The following BGN variants were observed in gnomAD, a reference collection of about 807,000 sequenced individuals.
The protein encoded by BGN is bone/cartilage proteoglycan-I.
In BGN, 6 loss-of-function variants were observed where a neutral mutation model predicts 20.0. The ratio of observed to expected loss-of-function variants is 0.30; its 90% CI spans 0.16 to 0.59. The LOEUF is 0.59. Among genes scored for constraint, BGN ranks in the 20% least tolerant of loss-of-function variants. The pLI, the probability that BGN is intolerant of heterozygous loss-of-function variation, is 0.88. For synonymous variants in BGN, 146 were observed against 134.6 expected (o/e 1.08, Z -0.59); for missense variants, 292 against 312.1 (o/e 0.94, Z 0.49).
intron 1 of BGN, among the ~76,000 whole-genome samples, chrX:153,499,262 G>A (rs1005141101): frequency 2.7e-5 from 3 of 112,294 alleles, no homozygotes; most frequent in African/African-American, 6.5e-5. Flanking sequence ...AGGAGGCCCC[G>A]GATCTCTTCG....
In BGN at chrX:153,509,123, C is replaced by T. The variant is rs782660038; in HGVS notation, c.*678C>T. The T allele has an allele frequency of 9.9e-6, 1 of 101,403 alleles. No individual in the cohort carries two copies. Among genetic ancestry groups the T allele is most frequent in the African/African-American group, 3.7e-5 (1 of 26,773 alleles). The allele number at this position is 101,403 out of a possible 1,213,427, so 8.4% of individuals were successfully genotyped here. On this transcript the variant is annotated 3_prime_UTR_variant, in exon 8 of 8. Transcript: ENST00000331595. ...TGTGTGTGTCTTGTGCTTCCTCAGACCTTTCTCGCTTCTGAGCTTGGTGGC... is the reference window on the plus strand; with the variant it reads ...TGTGTGTGTCTTGTGCTTCCTCAGATCTTTCTCGCTTCTGAGCTTGGTGGC...
Position 153,505,289 on chromosome X carries a change from T to C in BGN, c.290T>C (p.Leu97Pro), listed in dbSNP as rs781800006. Reference sequence around the variant, plus strand: ...TCCCCTGACACCACGCTGCTGGACCTGCAGAACAACGACATCTCCGAGCTC... The same window carrying C: ...TCCCCTGACACCACGCTGCTGGACCCGCAGAACAACGACATCTCCGAGCTC... ...EISPDTTLLD[L>P]QNNDISELRK... Residue 97 changes from leucine (L) to proline (P), a missense_variant, in exon 3 of 8, where the codon CTG becomes CCG. Physicochemically the swap from Leu to Pro is moderately conservative, Grantham distance 98. Transcript: ENST00000331595. 1 of 1,210,878 alleles carries C rather than the reference T, an allele frequency of 8.3e-7. No homozygotes were observed. The highest frequency in any genetic ancestry group is 1.8e-5 in the South Asian group (1 of 56,965).
intron 2 of BGN, 78 bp from the exon 3 acceptor site, chrX:153,505,160 G>C: frequency 3.5e-6 from 3 of 852,374 alleles, no homozygotes; most frequent in Non-Finnish European, 5.1e-6. Context: ...GGGCCCCTAG[G>C]TCTCGAGTTC....
At chrX:153,496,948 G>GCCCCCC (rs782676136) in intron 1 of BGN, among the ~76,000 whole-genome samples, 1 of 57,194 alleles carries the variant, frequency 1.7e-5, no homozygotes, top group Non-Finnish European at 3.0e-5. Context: ...TGCTTCCCGG[G>GCCCCCC]CCCACCCCCC....
chrX:153,509,394 C>G lies in BGN; in HGVS notation c.*949C>G, dbSNP rs1189450483. On this transcript the variant is annotated 3_prime_UTR_variant, in exon 8 of 8. Transcript: ENST00000331595. ...CCCGCGCAGATGACACCATCAACCG[C>G]CAGAGTCCCAGACACCGGTTTTCCT... The G allele has an allele frequency of 1.2e-5, 1 of 82,012 alleles. No homozygotes were observed. Among genetic ancestry groups the G allele is most frequent in the African/African-American group, 4.6e-5 (1 of 21,649 alleles). 6.8% of individuals were successfully genotyped at this position (82,012 alleles called of 1,213,427 possible).
At chrX:153,502,594 C>T (rs1479648582) in intron 1 of BGN, among the ~76,000 whole-genome samples, 5 of 113,004 alleles carry the variant, frequency 4.4e-5, no homozygotes, top group Non-Finnish European at 7.5e-5. Context: ...CTTCTCCCTA[C>T]TTGGGGGCCA....
At position 153,505,231 on chromosome X, in the gene BGN, C is replaced by A; in HGVS notation, c.239-7C>A. The A allele has an allele frequency of 5.0e-6, 6 of 1,188,537 alleles. No homozygotes were observed. The highest frequency in any genetic ancestry group is 6.8e-6 in the Non-Finnish European group (6 of 878,674). On this transcript the variant is annotated splice_region_variant and splice_polypyrimidine_tract_variant and intron_variant, in intron 2 of 7. Transcript: ENST00000331595. ...GTTCATGCTGGTGATGGGGGTGGGG[C>A]CCCTAGGTCTGAAGTCTGTGCCCAA...
At chrX:153,507,247 C>G in intron 7 of BGN, 62 bp downstream of exon 7, 1 of 1,125,560 alleles carries the variant, frequency 8.9e-7, no homozygotes, top group Non-Finnish European at 1.2e-6. Context: ...CGTGTGTGTC[C>G]CCGGGCAGTC....
intron 1 of BGN, among the ~76,000 whole-genome samples, chrX:153,500,648 CATGT>C: frequency 8.9e-6 from 1 of 112,417 alleles, no homozygotes; most frequent in South Asian, 3.6e-4. Context: ...TAGATGTGTG[CATGT>C]ATGTGTGTAC....
intron 4 of BGN, 54 bp downstream of exon 4, chrX:153,506,130 A>G (rs781910422): frequency 2.6e-4 from 280 of 1,061,262 alleles, no homozygotes; most frequent in Non-Finnish European, 3.5e-4. Context: ...GGCATGGGGA[A>G]GGGAGACCAA....
At chrX:153,506,356 G>A (rs1192250859) in intron 4 of BGN, among the ~76,000 whole-genome samples, 173 bp from the exon 5 acceptor site, 1 of 112,027 alleles carries the variant, frequency 8.9e-6, no homozygotes, top group African/African-American at 3.3e-5. Context: ...CCTGGGGCTA[G>A]CAGTCCTGAA....
intron 1 of BGN, among the ~76,000 whole-genome samples, chrX:153,496,952 A>ACCCCCCCCCCCCCC (rs2089720435): frequency 5.7e-5 from 1 of 17,489 alleles, no homozygotes. Context: ...TCCCGGGCCC[A>ACCCCCCCCCCCCCC]CCCCCCACCC....
At chrX:153,497,100 C>T (rs1371398458) in intron 1 of BGN, among the ~76,000 whole-genome samples, 7 of 104,407 alleles carry the variant, frequency 6.7e-5, no homozygotes, top group African/African-American at 2.5e-4. Flanking sequence ...CCTCCCCTGC[C>T]TTGCTCACCC....
chrX:153,497,233 C>T (rs1356358035), intron 1 of BGN, among the ~76,000 whole-genome samples: 1 of 107,311 alleles, frequency 9.3e-6, no homozygotes, highest in Non-Finnish European at 1.9e-5. Context: ...GGCCCACCAC[C>T]GAGCCCCCGA....
rs1466883189 is a variant in BGN, at chrX:153,508,654, C to G, written c.*209C>G. On this transcript the variant is annotated 3_prime_UTR_variant, in exon 8 of 8. Coordinates refer to ENST00000331595, the MANE Select transcript of BGN (RefSeq NM_001711.6). ...GCAGGTGGGCGCAAGGCCCGGCCCC[C>G]ATCACATGTTCCCTTGGCCTCAGAG... 1 of 465,977 alleles carries G rather than the reference C, an allele frequency of 2.1e-6. No homozygotes were observed. The highest frequency in any genetic ancestry group is 3.6e-6 in the Non-Finnish European group (1 of 276,406). 38.4% of individuals were successfully genotyped at this position (465,977 alleles called of 1,213,427 possible). A position where few individuals can be genotyped will look rare whatever the true frequency, so the allele number is the denominator to read the frequency against.
intron 1 of BGN, among the ~76,000 whole-genome samples, chrX:153,503,570 G>A (rs905127458): frequency 8.9e-6 from 1 of 112,400 alleles, no homozygotes; most frequent in African/African-American, 3.2e-5. Flanking sequence ...GAGAGGCAGG[G>A]CTCCAGCCTC....
In BGN at chrX:153,507,160, G is replaced by T; in HGVS notation, c.884G>T (p.Gly295Val). 8.3e-7 allele frequency: 1 copy of T among 1,204,873 alleles called. No homozygotes were observed. Among genetic ancestry groups the T allele is most frequent in the Non-Finnish European group, 1.1e-6 (1 of 891,824 alleles). Residue 295 changes from glycine (G) to valine (V), a missense_variant, in exon 7 of 8, where the codon GGG (glycine) becomes GTG (valine). Coordinates refer to ENST00000331595, the MANE Select transcript of BGN (RefSeq NM_001711.6). ...DNNKLARVPS[G>V]LPDLKLLQVV... ...AACAAGTTGGCCAGGGTGCCCTCAGGGCTCCCAGACCTCAAGCTCCTCCAG... is the reference window on the plus strand; with the variant it reads ...AACAAGTTGGCCAGGGTGCCCTCAGTGCTCCCAGACCTCAAGCTCCTCCAG...
chrX:153,499,205 G>T (rs2089738988), intron 1 of BGN, among the ~76,000 whole-genome samples: 1 of 112,652 alleles, frequency 8.9e-6, no homozygotes, highest in Non-Finnish European at 1.9e-5. Context: ...CCCCTGCTCT[G>T]CCTCTGAGAG....
chrX:153,501,962 G>A (rs2089763750), intron 1 of BGN, among the ~76,000 whole-genome samples: 1 of 112,236 alleles, frequency 8.9e-6, no homozygotes, highest in African/African-American at 3.2e-5. Context: ...CTGGTCCCGG[G>A]AACCCGCCTG....
Sources: gnomAD v4.1 joint callset for allele counts (sites outside exome capture counted in the v4.1 genomes callset) on GRCh38, gnomAD v4.1.1 for gene constraint, MANE v1.5 for transcripts, NCBI Gene and HGNC (gene_info 2026-07-23, HGNC 2026-07-21) for gene names.